Variants in FAM153A observed in about 807,000 individuals in gnomAD.
FAM153A encodes the protein protein FAM153A.
FAM153A carries 12 observed loss-of-function variants against 48.1 expected under a neutral mutation model. The ratio of observed to expected loss-of-function variants is 0.25; its 90% CI spans 0.16 to 0.40. The LOEUF is 0.40. Among genes scored for constraint, FAM153A ranks in the 10% least tolerant of loss-of-function variants. The pLI, the probability that FAM153A is intolerant of heterozygous loss-of-function variation, is 1.00. For synonymous variants in FAM153A, 36 were observed against 118.2 expected (o/e 0.30, Z 4.51); for missense variants, 111 against 345.8 (o/e 0.32, Z 5.38).
At chr5:177,696,592 TGTTGA>T in the FAM153A span, among the ~76,000 whole-genome samples, 1 of 151,390 alleles carries the variant, frequency 6.6e-6, no homozygotes, top group Non-Finnish European at 1.5e-5. Flanking sequence ...TGGCCATAAA[TGTTGA>T]GTTTATTTTT....
At chr5:177,745,818 C>A (rs1765885820) in intron 4 of FAM153A, among the ~76,000 whole-genome samples, 1 of 151,854 alleles carries the variant, frequency 6.6e-6, no homozygotes, top group East Asian at 1.9e-4. Flanking sequence ...TGAGGAATGA[C>A]CTCAACGCTG....
At chr5:177,715,295 A>C (rs1288665493) in intron 25 of FAM153A, among the ~76,000 whole-genome samples, 1 of 134,064 alleles carries the variant, frequency 7.5e-6, no homozygotes, top group Non-Finnish European at 1.7e-5. Flanking sequence ...TCTATTTCTT[A>C]TACACAATAA....
At chr5:177,709,673 T>TG (rs1312407391), downstream of FAM153A, among the ~76,000 whole-genome samples, 7 of 120,850 alleles carry the variant, frequency 5.8e-5, no homozygotes, top group Non-Finnish European at 1.3e-4. Context: ...GTTTTTTTTT[T>TG]GTTTTTTTTT....
At chr5:177,704,869 G>A (rs762705625), downstream of FAM153A, among the ~76,000 whole-genome samples, 10 of 151,048 alleles carry the variant, frequency 6.6e-5, no homozygotes, top group South Asian at 2.1e-4. Context: ...ACATGGTGGC[G>A]CTCACCTGTA....
chr5:177,753,941 C>T (rs1375183327), upstream of FAM153A, among the ~76,000 whole-genome samples: 3 of 151,920 alleles, frequency 2.0e-5, no homozygotes, highest in African/African-American at 4.9e-5. Flanking sequence ...TCTGCATTTC[C>T]AACTGAGGTA....
the FAM153A span, among the ~76,000 whole-genome samples, chr5:177,699,586 T>C: frequency 6.6e-6 from 1 of 152,244 alleles, no homozygotes; most frequent in Non-Finnish European, 1.5e-5. Flanking sequence ...TGGACAACTG[T>C]GTCAAATTAG....
intron 25 of FAM153A, among the ~76,000 whole-genome samples, chr5:177,715,758 C>CAGTGGT (rs1759605132): frequency 6.6e-6 from 1 of 151,734 alleles, no homozygotes; most frequent in African/African-American, 2.4e-5. Context: ...GCCTGGAGTG[C>CAGTGGT]AGTGGTATGA....
At chr5:177,761,202 C>T (rs1381648583) in intron 1 of FAM153A, among the ~76,000 whole-genome samples, 4 of 151,372 alleles carry the variant, frequency 2.6e-5, no homozygotes, top group South Asian at 4.2e-4. Flanking sequence ...AGATAATGGG[C>T]GCTCCTGCTC....
At chr5:177,751,571 C>A (rs1766903867) in intron 1 of FAM153A, among the ~76,000 whole-genome samples, 1 of 137,392 alleles carries the variant, frequency 7.3e-6, no homozygotes, top group African/African-American at 2.8e-5. Flanking sequence ...GGCTAAAATT[C>A]TTTTCATTCT....
chr5:177,713,417 AT>A (rs1033701174), intron 26 of FAM153A, among the ~76,000 whole-genome samples: 2,126 of 143,000 alleles, frequency 0.015, 83 homozygotes, highest in African/African-American at 0.05. Context: ...TGCCCAGCTA[AT>A]TTTTTTTTTT....
chr5:177,723,997 CCTCA>C (rs2127591764), exon 21 of FAM153A: 1 of 705,870 alleles, frequency 1.4e-6, no homozygotes, highest in Admixed American at 2.8e-5. Context: ...TCAGTGTCTC[CCTCA>C]CTAAGCAGCC....
At chr5:177,698,518 CTAAAA>C in the FAM153A span, among the ~76,000 whole-genome samples, 1 of 151,874 alleles carries the variant, frequency 6.6e-6, no homozygotes, top group Non-Finnish European at 1.5e-5. Flanking sequence ...TTATTGCCCT[CTAAAA>C]GAGTTTTGAA....
chr5:177,749,183 A>G (rs1215111497), intron 2 of FAM153A, among the ~76,000 whole-genome samples: 6 of 151,652 alleles, frequency 4.0e-5, no homozygotes, highest in Non-Finnish European at 5.9e-5. Flanking sequence ...CTTCAGGGGC[A>G]TCAGTGCCAT....
intron 1 of FAM153A, among the ~76,000 whole-genome samples, chr5:177,760,235 C>CACTTTTTT (rs1768192153): frequency 1.0e-5 from 1 of 96,216 alleles, no homozygotes; most frequent in East Asian, 3.1e-4. Context: ...TGGGAAAGAC[C>CACTTTTTT]TTTTTTTTTT....
chr5:177,695,947 ACGGGG>A, the FAM153A span, among the ~76,000 whole-genome samples: 2 of 81,920 alleles, frequency 2.4e-5, 1 homozygote, highest in Non-Finnish European at 5.5e-5. Context: ...CACTTCCCAG[ACGGGG>A]TGGCGGCTGG....
intron 1 of FAM153A, among the ~76,000 whole-genome samples, chr5:177,761,600 C>T (rs1453079808): frequency 7.8e-6 from 1 of 129,016 alleles, no homozygotes; most frequent in Non-Finnish European, 1.6e-5. Context: ...AATGGCCTGC[C>T]CACTTTTGCC....
chr5:177,721,676 G>A (rs1363895032), downstream of FAM153A, among the ~76,000 whole-genome samples: 1,145 of 42,636 alleles, frequency 0.027, 50 homozygotes, highest in African/African-American at 0.071. Context: ...ATGCTACCAT[G>A]CCCAGCTAAT....
At chr5:177,752,618 C>CAAAAAAAAAAA (rs71274705) in intron 1 of FAM153A, among the ~76,000 whole-genome samples, 11 of 31,010 alleles carry the variant, frequency 3.5e-4, no homozygotes, top group South Asian at 1.6e-3. Context: ...GAGACTCTGC[C>CAAAAAAAAAAA]AAAAAAAAAA....
rs1304512746 is a variant in FAM153A at position 177,736,661 on chromosome 5, C to T, written c.634-52G>A. The T allele has an allele frequency of 6.3e-6, 10 of 1,589,490 alleles. No homozygotes were observed. In the African/African-American group the frequency reaches 9.7e-5, roughly 15 times the overall value. ...ATCAGACCAGGCTGTGTCCTGTGTG[C>T]ACAGGTCTTCTCTTCACTTGTTTAT... On this transcript the variant is annotated intron_variant, in intron 11 of 20. Transcript: ENST00000614127.
Sources: gnomAD v4.1 joint callset for allele counts (sites outside exome capture counted in the v4.1 genomes callset) on GRCh38, gnomAD v4.1.1 for gene constraint, MANE v1.5 for transcripts, NCBI Gene and HGNC (gene_info 2026-07-23, HGNC 2026-07-21) for gene names.